Variants in DSE observed in about 807,000 individuals in gnomAD.
The protein encoded by DSE is dermatan-sulfate epimerase.
DSE carries 36 observed loss-of-function variants against 84.4 expected under a neutral mutation model. The observed-to-expected ratio is 0.43, with a 90% CI of 0.33 to 0.56. The LOEUF (loss-of-function observed/expected upper bound fraction) is 0.56, where lower values mean the gene tolerates loss of function less well. DSE is among the 20% of genes least tolerant of loss of function. The pLI is 0.06. For synonymous variants in DSE, 410 were observed against 430.1 expected (o/e 0.95, Z 0.58); for missense variants, 862 against 1,169.6 (o/e 0.74, Z 3.84).
intron 1 of DSE, among the ~76,000 whole-genome samples, chr6:116,371,759 C>CG (rs1779598125): frequency 6.6e-6 from 1 of 152,198 alleles, no homozygotes; most frequent in South Asian, 2.1e-4. Flanking sequence ...GGGGAGGAGG[C>CG]GGGGGCTTGA....
chr6:116,330,466 A>G (rs1776871024), intron 2 of DSE, among the ~76,000 whole-genome samples: 1 of 152,210 alleles, frequency 6.6e-6, no homozygotes, highest in Non-Finnish European at 1.5e-5. Context: ...TTATGCCAAA[A>G]AGCAATTTAT....
intron 2 of DSE, among the ~76,000 whole-genome samples, chr6:116,338,939 C>T (rs968052796): frequency 6.6e-6 from 1 of 152,192 alleles, no homozygotes; most frequent in Non-Finnish European, 1.5e-5. Context: ...TCTATGCCTC[C>T]AAATAGCCAA....
rs9400910 is a variant in DSE at position 116,399,481 on chromosome 6, G to T, written c.231G>T (p.Thr77=). The T allele has an allele frequency of 2.5e-6, 4 of 1,614,218 alleles. No homozygotes were observed. Among genetic ancestry groups the T allele is most frequent in the Non-Finnish European group, 3.4e-6 (4 of 1,180,048 alleles). The change falls in exon 2 of 6, where the codon ACG becomes ACT. Residue 77 remains threonine, a synonymous_variant. Transcript: ENST00000644252. The part of the protein sequence containing the change: ...IAARLTEAVH[T]MLSSPLEYLP... ...CCCGCCTCACGGAGGCTGTGCACAC[G>T]ATGCTGTCCAGCCCCTTGGAATACC...
intron 2 of DSE, among the ~76,000 whole-genome samples, chr6:116,308,496 A>G (rs1173870596): frequency 2.0e-5 from 3 of 152,232 alleles, no homozygotes; most frequent in Admixed American, 1.3e-4. Flanking sequence ...TCAAAGTATT[A>G]TGACGATGGC....
intron 2 of DSE, among the ~76,000 whole-genome samples, chr6:116,315,589 C>T (rs1362690106): frequency 2.6e-5 from 4 of 152,124 alleles, no homozygotes; most frequent in Non-Finnish European, 5.9e-5. Flanking sequence ...GGTTGTTTAT[C>T]TCCAGATCCC....
At chr6:116,333,693 CA>C (rs1777082837) in intron 2 of DSE, among the ~76,000 whole-genome samples, 2 of 152,306 alleles carry the variant, frequency 1.3e-5, no homozygotes, top group Admixed American at 6.5e-5. Context: ...ACCATCTAAA[CA>C]AGCTCTTTCT....
chr6:116,436,750 T>C lies in DSE; in HGVS notation c.2282T>C (p.Leu761Pro). The stretch of plus-strand genomic sequence containing the variant: ...TTTCAGCTGCTGGAGAAGCAGATAC[T>C]GTCCCGAGTCCGGAACACAGCTAGC... Reference protein sequence around the residue: ...PVFQLLEKQILSRVRNTASFR... With the variant: ...PVFQLLEKQIPSRVRNTASFR... Residue 761 changes from leucine (L) to proline (P), a missense_variant, in exon 6 of 6, where the codon CTG becomes CCG. Physicochemically the swap from Leu to Pro is moderately conservative, Grantham distance 98. This residue lies in a region of DSE where 315 missense variants were observed against 348.1 expected (regional missense o/e 0.90). Coordinates refer to ENST00000644252, the MANE Select transcript of DSE (RefSeq NM_013352.4). 1.9e-6 allele frequency: 3 copies of C among 1,614,202 alleles called. No homozygotes were observed. The highest frequency in any genetic ancestry group is 2.5e-6 in the Non-Finnish European group (3 of 1,180,030).
chr6:116,376,047 CAT>C (rs1202185921), intron 1 of DSE, among the ~76,000 whole-genome samples: 1 of 152,184 alleles, frequency 6.6e-6, no homozygotes, highest in East Asian at 1.9e-4. Flanking sequence ...AAGACTCTAA[CAT>C]TTTATTTTCC....
chr6:116,421,463 ATTTTTTTTT>A (rs71012335), intron 2 of DSE, among the ~76,000 whole-genome samples: 1 of 61,346 alleles, frequency 1.6e-5, no homozygotes, highest in East Asian at 3.7e-4. Flanking sequence ...ATATATATAT[ATTTTTTTTT>A]TTTTTTTTTT....
intron 2 of DSE, among the ~76,000 whole-genome samples, chr6:116,293,138 A>C (rs4326261): frequency 6.6e-6 from 1 of 152,196 alleles, no homozygotes; most frequent in South Asian, 2.1e-4. Context: ...TAACTACAGA[A>C]TTCAAAGAAG....
At chr6:116,389,388 A>G (rs960160656) in intron 1 of DSE, among the ~76,000 whole-genome samples, 2 of 151,806 alleles carry the variant, frequency 1.3e-5, no homozygotes, top group African/African-American at 2.4e-5. Context: ...TTTTTTTTTA[A>G]ACACTTACTA....
chr6:116,325,830 G>A (rs963220790), intron 2 of DSE, among the ~76,000 whole-genome samples: 11 of 152,160 alleles, frequency 7.2e-5, no homozygotes, highest in African/African-American at 2.2e-4. Context: ...CGGGGGCATC[G>A]GCAAGACTCC....
At chr6:116,388,158 G>A (rs1449485322) in intron 1 of DSE, among the ~76,000 whole-genome samples, 1 of 152,072 alleles carries the variant, frequency 6.6e-6, no homozygotes, top group East Asian at 1.9e-4. Context: ...GAGGCTGAGA[G>A]GTCCCACAAT....
In DSE at chr6:116,318,330, C is replaced by T. The variant is rs536467505; in HGVS notation, c.-54+59363C>T. Among the ~76,000 whole-genome samples the T allele has an allele frequency of 3.3e-5, 5 of 149,350 alleles. No homozygotes were observed. In the South Asian group the frequency reaches 6.3e-4, roughly 19 times the overall value. On this transcript the variant is annotated intron_variant, in intron 2 of 3. Coordinates refer to the DSE transcript ENST00000430252. ...GACCATCCTGGCTAACACAGTGAAA[C>T]CCCGTCTCTACTAAAAATACAAAAA...
intron 1 of DSE, among the ~76,000 whole-genome samples, chr6:116,392,127 T>TG (rs1424627302): frequency 6.6e-6 from 1 of 152,226 alleles, no homozygotes; most frequent in Non-Finnish European, 1.5e-5. Context: ...CACAGCAAGG[T>TG]GTTCCCCAAA....
intron 2 of DSE, among the ~76,000 whole-genome samples, chr6:116,303,631 C>A (rs1006127635): frequency 5.3e-5 from 8 of 152,072 alleles, no homozygotes; most frequent in Non-Finnish European, 8.8e-5. Context: ...GGCAGGAAAG[C>A]AAGAGACAGG....
chr6:116,303,259 A>G (rs186219887), intron 2 of DSE, among the ~76,000 whole-genome samples: 1 of 152,126 alleles, frequency 6.6e-6, no homozygotes, highest in Non-Finnish European at 1.5e-5. Flanking sequence ...TCAACTCAAA[A>G]GTCACTTCCT....
At chr6:116,269,872 A>G (rs1380030097) in intron 2 of DSE, among the ~76,000 whole-genome samples, 2 of 152,172 alleles carry the variant, frequency 1.3e-5, no homozygotes, top group African/African-American at 4.8e-5. Flanking sequence ...ATCTTTGCTT[A>G]TAATAGACTA....
At chr6:116,354,253 C>A (rs1485744907) in intron 2 of DSE, among the ~76,000 whole-genome samples, 1 of 152,102 alleles carries the variant, frequency 6.6e-6, no homozygotes, top group Non-Finnish European at 1.5e-5. Flanking sequence ...GATGGGATAA[C>A]AGTAAGTAAT....
Sources: gnomAD v4.1 joint callset for allele counts (sites outside exome capture counted in the v4.1 genomes callset) on GRCh38, gnomAD v4.1.1 for gene constraint, gnomAD v4.1.1 regional missense constraint, MANE v1.5 for transcripts, NCBI Gene and HGNC (gene_info 2026-07-23, HGNC 2026-07-21) for gene names.